Variants in PARD3 observed in about 807,000 individuals in gnomAD.
PARD3 encodes the protein partitioning defective 3 homolog.
A neutral mutation model predicts 155.4 loss-of-function variants in PARD3; 75 were observed. The observed-to-expected ratio is 0.48, with a 90% CI of 0.40 to 0.58. The LOEUF (loss-of-function observed/expected upper bound fraction) is 0.58. Among genes scored for constraint, PARD3 ranks in the 20% least tolerant of loss-of-function variants. PARD3 has a pLI of 0.00. For missense variants in PARD3, 1,642 were observed against 1,721.7 expected, an observed-to-expected ratio of 0.95 and a Z score of 0.82; for synonymous variants, 576 against 610.5, an observed-to-expected ratio of 0.94 and a Z score of 0.83.
chr10:34,767,357 G>A (rs1396596290), intron 1 of PARD3, among the ~76,000 whole-genome samples: 2 of 152,228 alleles, frequency 1.3e-5, no homozygotes, highest in Non-Finnish European at 2.9e-5. Context: ...GTCGCTACCT[G>A]AGAACTCGCC....
At chr10:34,188,383 C>G (rs1950571556) in intron 22 of PARD3, among the ~76,000 whole-genome samples, 1 of 152,168 alleles carries the variant, frequency 6.6e-6, no homozygotes. Flanking sequence ...CACGCTTCCA[C>G]TGAGTGGGAG....
chr10:34,560,963 G>C lies in PARD3; in HGVS notation c.223-43804C>G, dbSNP rs540301250. ...TCCCTCTGGGCATGTGCGCAGGTGA[G>C]GACTCCCTCAAACCACTATTTGGGA... On this transcript the variant is annotated intron_variant, in intron 2 of 24. Coordinates refer to ENST00000374788, the MANE Select transcript of PARD3 (RefSeq NM_001184785.2). Among the ~76,000 whole-genome samples the C allele has an allele frequency of 4.6e-5, 7 of 152,224 alleles. No individual in the cohort carries two copies. The South Asian group carries it at 1.5e-3, about 32-fold the overall frequency.
chr10:34,679,490 C>G (rs1464987672), intron 2 of PARD3, among the ~76,000 whole-genome samples: 1 of 152,176 alleles, frequency 6.6e-6, no homozygotes, highest in Non-Finnish European at 1.5e-5. Flanking sequence ...ACCAGGAGCC[C>G]TCGGAGTGTG....
chr10:34,378,677 C>T (rs1841502001), intron 9 of PARD3, among the ~76,000 whole-genome samples: 1 of 152,174 alleles, frequency 6.6e-6, no homozygotes. Flanking sequence ...GCCTAGTTCA[C>T]TTCTAATTCA....
At chr10:34,487,182 CCTCTTCTCACTCACT>C (rs1291934308) in intron 3 of PARD3, among the ~76,000 whole-genome samples, 4 of 151,922 alleles carry the variant, frequency 2.6e-5, no homozygotes, top group African/African-American at 9.7e-5. Context: ...CTCTTCTGGG[CCTCTTCTCACTCACT>C]CTCTTTTCTA....
At chr10:34,688,718 A>C (rs1393600123) in intron 2 of PARD3, among the ~76,000 whole-genome samples, 2 of 152,200 alleles carry the variant, frequency 1.3e-5, no homozygotes, top group Non-Finnish European at 2.9e-5. Flanking sequence ...CTGTATAGGC[A>C]CTAACAGAAA....
chr10:34,641,189 C>CTTTA (rs777160499), intron 2 of PARD3, among the ~76,000 whole-genome samples: 12 of 152,172 alleles, frequency 7.9e-5, no homozygotes, highest in Non-Finnish European at 1.6e-4. Flanking sequence ...CACGAACACA[C>CTTTA]TTTATTTTAT....
chr10:34,679,997 G>A (rs12357145), intron 2 of PARD3, among the ~76,000 whole-genome samples: 2 of 152,026 alleles, frequency 1.3e-5, no homozygotes, highest in Non-Finnish European at 2.9e-5. Context: ...TCACTATTTA[G>A]GTGATGGATG....
At chr10:34,622,620 C>T (rs1478571275) in intron 2 of PARD3, among the ~76,000 whole-genome samples, 1 of 152,164 alleles carries the variant, frequency 6.6e-6, no homozygotes, top group African/African-American at 2.4e-5. Flanking sequence ...CATCAGGCTA[C>T]ATGGAAACAC....
At chr10:34,145,217 A>ATTTTTTTTTTTTTTTT (rs1387505653) in intron 22 of PARD3, among the ~76,000 whole-genome samples, 1 of 57,952 alleles carries the variant, frequency 1.7e-5, no homozygotes, top group African/African-American at 9.4e-5. Flanking sequence ...ATATATATAT[A>ATTTTTTTTTTTTTTTT]TATATTTTTT....
intron 2 of PARD3, among the ~76,000 whole-genome samples, chr10:34,592,461 C>A (rs994156675): frequency 2.6e-5 from 4 of 152,128 alleles, no homozygotes; most frequent in African/African-American, 9.7e-5. Flanking sequence ...ATAGAGCACC[C>A]CATACAGAAC....
At chr10:34,793,797 T>G (rs1841948746) in intron 1 of PARD3, among the ~76,000 whole-genome samples, 1 of 151,958 alleles carries the variant, frequency 6.6e-6, no homozygotes, top group South Asian at 2.1e-4. Context: ...AAAAAAAATT[T>G]TACTCTGGGG....
chr10:34,356,043 G>T (rs2134457045), intron 14 of PARD3, among the ~76,000 whole-genome samples: 1 of 151,666 alleles, frequency 6.6e-6, no homozygotes, highest in South Asian at 2.1e-4. Context: ...AACCCTTAGA[G>T]AAGACCCGGA....
chr10:34,652,037 T>C (rs1207350621), intron 2 of PARD3, among the ~76,000 whole-genome samples: 2 of 152,192 alleles, frequency 1.3e-5, no homozygotes, highest in Non-Finnish European at 2.9e-5. Flanking sequence ...CATTTTTTCC[T>C]CCGGGTTCTC....
chr10:34,428,055 G>A (rs1407009919), intron 5 of PARD3, among the ~76,000 whole-genome samples: 3 of 152,038 alleles, frequency 2.0e-5, no homozygotes, highest in Non-Finnish European at 2.9e-5. Context: ...CCCAAAAAAC[G>A]ACATCATCCC....
At chr10:34,433,907 T>A (rs1165607721) in intron 5 of PARD3, among the ~76,000 whole-genome samples, 1 of 152,086 alleles carries the variant, frequency 6.6e-6, no homozygotes, top group Non-Finnish European at 1.5e-5. Flanking sequence ...CATGCCTCCC[T>A]CGAAAACAAA....
intron 1 of PARD3, among the ~76,000 whole-genome samples, chr10:34,772,171 C>G (rs1047654619): frequency 6.6e-6 from 1 of 152,110 alleles, no homozygotes; most frequent in Non-Finnish European, 1.5e-5. Context: ...ACCTGTAATC[C>G]CCGGACTTTG....
At chr10:34,371,342 A>G (rs1026143918) in intron 12 of PARD3, among the ~76,000 whole-genome samples, 1 of 151,874 alleles carries the variant, frequency 6.6e-6, no homozygotes, top group African/African-American at 2.4e-5. Flanking sequence ...TTAATGTGGA[A>G]TATTCTCAAG....
intron 3 of PARD3, among the ~76,000 whole-genome samples, chr10:34,502,097 T>C (rs1781987735): frequency 6.6e-6 from 1 of 152,210 alleles, no homozygotes; most frequent in African/African-American, 2.4e-5. Context: ...ACTCGCAGCC[T>C]GTAGGACATG....
Sources: gnomAD v4.1 joint callset for allele counts (sites outside exome capture counted in the v4.1 genomes callset) on GRCh38, gnomAD v4.1.1 for gene constraint, MANE v1.5 for transcripts, NCBI Gene and HGNC (gene_info 2026-07-23, HGNC 2026-07-21) for gene names.